REPS2: variants seen among roughly 807,000 people sequenced by gnomAD.
REPS2 encodes the protein ralBP1-associated Eps domain-containing protein 2.
REPS2 carries 23 observed loss-of-function variants against 53.6 expected under a neutral mutation model. The ratio of observed to expected loss-of-function variants is 0.43; its 90% CI spans 0.31 to 0.61. The LOEUF is 0.61. Among genes scored for constraint, REPS2 ranks in the 20% least tolerant of loss-of-function variants. REPS2 has a pLI of 0.11. For synonymous variants in REPS2, 238 were observed against 218.6 expected (o/e 1.09, Z -0.78); for missense variants, 446 against 534.9 (o/e 0.83, Z 1.64).
chrX:16,951,557 A>C (rs1198902357), intron 1 of REPS2, among the ~76,000 whole-genome samples: 291 of 22,147 alleles, frequency 0.013, 5 homozygotes, highest in Admixed American at 0.046. Context: ...ACACACACAC[A>C]CACCCCCGCT....
intron 5 of REPS2, among the ~76,000 whole-genome samples, chrX:17,042,257 G>C (rs764357431): frequency 8.9e-6 from 1 of 111,813 alleles, no homozygotes; most frequent in Admixed American, 9.5e-5. Flanking sequence ...TGGAGTTGAT[G>C]GGGGGAGGCC....
intron 1 of REPS2, among the ~76,000 whole-genome samples, chrX:16,950,324 A>G (rs1168084287): frequency 8.9e-6 from 1 of 112,109 alleles, no homozygotes; most frequent in Non-Finnish European, 1.9e-5. Flanking sequence ...GCAATTATGG[A>G]TAAAGCTGTT....
rs2063543307 is a variant in REPS2 at position 17,149,043 on chromosome X, TG to T, written c.*1563del. The T allele has an allele frequency of 2.8e-6, 1 of 358,675 alleles. No individual in the cohort carries two copies. Among genetic ancestry groups the T allele is most frequent in the Non-Finnish European group, 5.4e-6 (1 of 185,651 alleles). 29.6% of individuals were successfully genotyped at this position (358,675 alleles called of 1,213,427 possible). ...AGAGGATAAAGGCTCAAACAGATGATGTTTTTTCCACAGAAAAACAAATTGT... is the reference window on the plus strand; with the variant it reads ...AGAGGATAAAGGCTCAAACAGATGATTTTTTTCCACAGAAAAACAAATTGT... On this transcript the variant is annotated 3_prime_UTR_variant, in exon 18 of 18. Transcript: ENST00000357277.
chrX:17,127,582 T>C (rs2063232560), intron 14 of REPS2, among the ~76,000 whole-genome samples: 1 of 111,801 alleles, frequency 8.9e-6, no homozygotes, highest in Non-Finnish European at 1.9e-5. Flanking sequence ...GTTTAGCAAA[T>C]GACCCAGAAC....
the REPS2 span, among the ~76,000 whole-genome samples, chrX:17,191,906 C>T: frequency 8.9e-6 from 1 of 111,855 alleles, no homozygotes; most frequent in Admixed American, 9.4e-5. Flanking sequence ...AAAGGGGGCA[C>T]CTCAAGGGAA....
rs1162932789 is a variant in REPS2 at position 16,999,368 on chromosome X, ATTTTTTT to A, written c.274-6835_274-6829del. Among the ~76,000 whole-genome samples the A allele has an allele frequency of 5.7e-4, 36 of 62,730 alleles. No individual in the cohort carries two copies. In the East Asian group the frequency reaches 6.7e-3, roughly 12 times the overall value. 54.5% of individuals were successfully genotyped at this position (62,730 alleles called of 115,157 possible). On this transcript the variant is annotated intron_variant, in intron 1 of 17. Transcript: ENST00000357277. Reference sequence around the variant, plus strand: ...TTTGCTTCCACTAGTGATGTTCCTGATTTTTTTTTTTTTTTTTTTTTTTTGCACAGAG... The same window carrying A: ...TTTGCTTCCACTAGTGATGTTCCTGATTTTTTTTTTTTTTTTTGCACAGAG...
rs183061552 is a variant in REPS2 at position 17,070,264 on chromosome X, A to G, written c.1333+271A>G. ...GTGTGAATATAGGGTCTTGTTACTAAGTGCAAAATTGAGAAGGCTTGAGGT... is the reference window on the plus strand; with the variant it reads ...GTGTGAATATAGGGTCTTGTTACTAGGTGCAAAATTGAGAAGGCTTGAGGT... On this transcript the variant is annotated intron_variant, in intron 11 of 17. Transcript: ENST00000357277. Among the ~76,000 whole-genome samples the G allele has an allele frequency of 2.2e-3, 243 of 112,195 alleles. 1 individual carries two copies. Among genetic ancestry groups the G allele is most frequent in the African/African-American group, 7.0e-3 (217 of 30,887 alleles).
chrX:17,056,685 ACT>A (rs1446535017), intron 8 of REPS2, among the ~76,000 whole-genome samples: 8 of 59,226 alleles, frequency 1.4e-4, no homozygotes, highest in Non-Finnish European at 2.1e-4. Context: ...AAAGAGTGAG[ACT>A]CTGTCTAAAA....
rs1168458636 is a variant in REPS2 at position 17,135,397 on chromosome X, C to T, written c.1799C>T (p.Thr600Ile). The T allele has an allele frequency of 4.1e-6, 5 of 1,208,963 alleles. No individual in the cohort carries two copies. The highest frequency in any genetic ancestry group is 5.6e-6 in the Non-Finnish European group (5 of 894,810). Reference sequence around the variant, plus strand: ...GCGGCAACCATGAAACCGCATCCAACAGTCCAAAAGTAAGTAGACCACATA... The same window carrying T: ...GCGGCAACCATGAAACCGCATCCAATAGTCCAAAAGTAAGTAGACCACATA... ...ASAATMKPHP[T>I]VQKQSSKQKK... is the part of the protein sequence containing the mutation. The change falls in exon 16 of 18, where the codon ACA becomes ATA. Residue 600 changes from threonine to isoleucine, a missense_variant. Physicochemically the swap from Thr to Ile is moderately conservative, Grantham distance 89 (BLOSUM62 -1). Transcript: ENST00000357277.
chrX:17,103,679 T>TG (rs773827947), intron 13 of REPS2, 39 bp from the exon 14 acceptor site: 1 of 1,170,577 alleles, frequency 8.5e-7, no homozygotes, highest in Non-Finnish European at 1.2e-6. Context: ...TGTTTATTTT[T>TG]GGGGGGTGAT....
intron 1 of REPS2, among the ~76,000 whole-genome samples, chrX:16,948,199 G>A (rs1224057281): frequency 4.4e-5 from 5 of 112,472 alleles, no homozygotes; most frequent in African/African-American, 1.6e-4. Flanking sequence ...GTGTTCATAC[G>A]TATTTTTAAA....
At chrX:17,131,901 G>A (rs769297870) in intron 14 of REPS2, among the ~76,000 whole-genome samples, 2 of 105,044 alleles carry the variant, frequency 1.9e-5, no homozygotes, top group East Asian at 5.8e-4. Context: ...ATATTTACTA[G>A]AGTTTTTTTT....
At chrX:16,997,299 A>C (rs2061245364) in intron 1 of REPS2, among the ~76,000 whole-genome samples, 1 of 112,812 alleles carries the variant, frequency 8.9e-6, no homozygotes, top group Admixed American at 9.3e-5. Flanking sequence ...CTGGCATTTA[A>C]GTTAGTGCCT....
At chrX:17,181,818 C>G in the REPS2 span, among the ~76,000 whole-genome samples, 1 of 112,084 alleles carries the variant, frequency 8.9e-6, no homozygotes, top group Non-Finnish European at 1.9e-5. Context: ...TTAGCCAATT[C>G]AAGTAGGGCC....
intron 9 of REPS2, among the ~76,000 whole-genome samples, chrX:17,068,147 A>G (rs1020388870): frequency 9.1e-6 from 1 of 110,050 alleles, no homozygotes; most frequent in African/African-American, 3.3e-5. Flanking sequence ...GCCCTTCTCT[A>G]CTAAAAAATA....
At chrX:17,033,700 T>G (rs985491023) in intron 5 of REPS2, among the ~76,000 whole-genome samples, 1 of 112,620 alleles carries the variant, frequency 8.9e-6, no homozygotes, top group Admixed American at 9.4e-5. Context: ...TGTTTCTTCT[T>G]GCTTCCACCC....
intron 8 of REPS2, among the ~76,000 whole-genome samples, chrX:17,058,949 A>G (rs1053954435): frequency 1.9e-5 from 2 of 108,070 alleles, no homozygotes; most frequent in African/African-American, 3.4e-5. Context: ...GAGTGATCCT[A>G]TTCATTTTTT....
intron 1 of REPS2, among the ~76,000 whole-genome samples, chrX:16,968,699 A>AC (rs775012318): frequency 2.4e-4 from 8 of 32,875 alleles, no homozygotes; most frequent in South Asian, 2.1e-3. Flanking sequence ...CGGGGGGCTG[A>AC]CCCCCCCCAC....
intron 5 of REPS2, among the ~76,000 whole-genome samples, chrX:17,036,379 C>T (rs909577406): frequency 6.2e-5 from 7 of 112,237 alleles, no homozygotes; most frequent in African/African-American, 2.3e-4. Flanking sequence ...ATTTCCTTTT[C>T]TGTGAACTGT....
Sources: gnomAD v4.1 joint callset for allele counts (sites outside exome capture counted in the v4.1 genomes callset) on GRCh38, gnomAD v4.1.1 for gene constraint, MANE v1.5 for transcripts, NCBI Gene and HGNC (gene_info 2026-07-23, HGNC 2026-07-21) for gene names.